SDK1: variants seen among roughly 807,000 people sequenced by gnomAD.
SDK1 encodes the protein protein sidekick-1.
Under a neutral mutation model 245.5 loss-of-function variants are expected in SDK1, and 157 were observed. The ratio of observed to expected loss-of-function variants is 0.64; its 90% CI spans 0.56 to 0.73. SDK1 has a LOEUF of 0.73. Ranked by LOEUF, SDK1 falls within the 30% of genes least tolerant of loss-of-function variation. SDK1 has a pLI of 0.00. For synonymous variants in SDK1, 1,647 were observed against 1,278.5 expected (o/e 1.29, Z -6.15); for missense variants, 3,583 against 3,002.3 (o/e 1.19, Z -4.52).
intron 2 of SDK1, among the ~76,000 whole-genome samples, chr7:3,635,102 A>G (rs1782415814): frequency 6.6e-6 from 1 of 152,230 alleles, no homozygotes; most frequent in African/African-American, 2.4e-5. Context: ...ACAGCATGTA[A>G]TAATCAAAGC....
chr7:3,913,393 A>C (rs1562532263), intron 5 of SDK1, among the ~76,000 whole-genome samples: 1 of 147,824 alleles, frequency 6.8e-6, no homozygotes, highest in Non-Finnish European at 1.5e-5. Context: ...TCCCAGGTTC[A>C]CGCCATTCTC....
intron 1 of SDK1, among the ~76,000 whole-genome samples, chr7:3,525,420 T>C (rs191117651): frequency 5.9e-5 from 9 of 152,278 alleles, no homozygotes; most frequent in African/African-American, 1.9e-4. Flanking sequence ...GTCTCCCTTT[T>C]CTTGTGTCTG....
intron 1 of SDK1, among the ~76,000 whole-genome samples, chr7:3,487,933 C>T (rs1781753096): frequency 6.6e-6 from 1 of 152,076 alleles, no homozygotes; most frequent in Non-Finnish European, 1.5e-5. Context: ...TAATGTAATG[C>T]TCTTTTAAGT....
intron 4 of SDK1, among the ~76,000 whole-genome samples, chr7:3,814,319 C>T (rs980675048): frequency 1.4e-5 from 2 of 147,964 alleles, no homozygotes; most frequent in Admixed American, 1.3e-4. Context: ...CCAGTTTCAG[C>T]TTTCTACATA....
At chr7:3,391,827 C>T (rs1446696137) in intron 1 of SDK1, among the ~76,000 whole-genome samples, 1 of 151,622 alleles carries the variant, frequency 6.6e-6, no homozygotes, top group African/African-American at 2.4e-5. Context: ...TGAGGTTTTG[C>T]TATGTTGCCC....
intron 4 of SDK1, among the ~76,000 whole-genome samples, chr7:3,802,012 C>A (rs1056167342): frequency 1.3e-5 from 2 of 152,166 alleles, no homozygotes; most frequent in Admixed American, 6.5e-5. Context: ...GAGCTGTTCT[C>A]TTTTACTTTT....
At chr7:4,171,955 GCT>G (rs970509288) in intron 32 of SDK1, among the ~76,000 whole-genome samples, 29 of 152,214 alleles carry the variant, frequency 1.9e-4, no homozygotes, top group African/African-American at 6.8e-4. Flanking sequence ...CCAGACGACA[GCT>G]CTCTCAGCCC....
At chr7:3,703,838 T>C (rs1784808994) in intron 4 of SDK1, among the ~76,000 whole-genome samples, 1 of 152,232 alleles carries the variant, frequency 6.6e-6, no homozygotes, top group Non-Finnish European at 1.5e-5. Context: ...TATTGTGTTT[T>C]TGTTTTGTGT....
At chr7:3,615,810 T>C (rs2128643712) in intron 1 of SDK1, among the ~76,000 whole-genome samples, 2 of 145,812 alleles carry the variant, frequency 1.4e-5, no homozygotes, top group Middle Eastern at 3.6e-3. Context: ...TTTTTTTCCT[T>C]CTCACATTAC....
At chr7:3,578,018 A>G (rs371986309) in intron 1 of SDK1, among the ~76,000 whole-genome samples, 3 of 151,996 alleles carry the variant, frequency 2.0e-5, no homozygotes, top group Non-Finnish European at 4.4e-5. Flanking sequence ...AGAGGTGGCA[A>G]TGTTTCTTTC....
intron 1 of SDK1, among the ~76,000 whole-genome samples, chr7:3,610,201 C>T (rs1406646201): frequency 2.0e-5 from 3 of 152,230 alleles, no homozygotes; most frequent in Admixed American, 6.5e-5. Flanking sequence ...ATATCTGTTA[C>T]ATCTCAGTTT....
chr7:3,922,440 C>G (rs1311766963), intron 5 of SDK1, among the ~76,000 whole-genome samples: 1 of 152,200 alleles, frequency 6.6e-6, no homozygotes, highest in Non-Finnish European at 1.5e-5. Flanking sequence ...CAGGGCTGGT[C>G]GTGAGATGTT....
At chr7:4,039,337 T>C (rs1788441460) in intron 17 of SDK1, among the ~76,000 whole-genome samples, 1 of 152,018 alleles carries the variant, frequency 6.6e-6, no homozygotes, top group Non-Finnish European at 1.5e-5. Context: ...TGGGAAAATA[T>C]CTCTCTATAA....
chr7:4,105,816 G>A lies in SDK1; in HGVS notation c.3325-4847G>A, dbSNP rs538672693. Among the ~76,000 whole-genome samples, 5 of 152,310 alleles carry A rather than the reference G, an allele frequency of 3.3e-5. No individual in the cohort carries two copies. In the East Asian group the frequency reaches 9.7e-4, roughly 29 times the overall value. On this transcript the variant is annotated intron_variant, in intron 22 of 44. Transcript: ENST00000404826. ...AGTCAGCCAGTTGCAGAGAGGAGGGGTGGAAGGAGCAGACACACTCTGAGA... is the reference window on the plus strand; with the variant it reads ...AGTCAGCCAGTTGCAGAGAGGAGGGATGGAAGGAGCAGACACACTCTGAGA...
rs76944185 is a variant in SDK1, at chr7:3,623,177, G to C, written c.458+3938G>C. ...CTACACATTTACTTTTTCTAGCTTT[G>C]ACTTAAAATAACATTTTCTTTGCTG... On this transcript the variant is annotated intron_variant, in intron 2 of 44. Transcript: ENST00000404826. 2.1e-3 allele frequency among the ~76,000 whole-genome samples: 316 copies of C among 150,858 alleles called. 4 individuals are homozygous for C. Among genetic ancestry groups the C allele is most frequent in the African/African-American group, 7.6e-3 (311 of 41,104 alleles).
chr7:4,163,300 C>G (rs917186649), intron 32 of SDK1, among the ~76,000 whole-genome samples: 2 of 152,108 alleles, frequency 1.3e-5, no homozygotes, highest in Admixed American at 1.3e-4. Context: ...AAGCTGTCCT[C>G]AAGGACAATG....
intron 1 of SDK1, among the ~76,000 whole-genome samples, chr7:3,487,194 G>C (rs940442264): frequency 6.6e-6 from 1 of 152,134 alleles, no homozygotes; most frequent in African/African-American, 2.4e-5. Context: ...GTCAGCATAA[G>C]CCTTATGACA....
intron 17 of SDK1, among the ~76,000 whole-genome samples, chr7:4,036,866 T>G (rs375057430): frequency 6.6e-6 from 1 of 152,304 alleles, no homozygotes. Flanking sequence ...GTTTGTTGTT[T>G]ATGTGCTACA....
At chr7:4,237,256 G>A (rs773806192) in intron 41 of SDK1, among the ~76,000 whole-genome samples, 1 of 151,840 alleles carries the variant, frequency 6.6e-6, no homozygotes, top group Non-Finnish European at 1.5e-5. Context: ...TCACTACATT[G>A]CACTGGATCA....
Sources: gnomAD v4.1 joint callset for allele counts (sites outside exome capture counted in the v4.1 genomes callset) on GRCh38, gnomAD v4.1.1 for gene constraint, MANE v1.5 for transcripts, NCBI Gene and HGNC (gene_info 2026-07-23, HGNC 2026-07-21) for gene names.